ZNF536: variants seen among roughly 807,000 people sequenced by gnomAD.
ZNF536 encodes zinc finger protein 536.
ZNF536 carries 13 observed loss-of-function variants against 84.5 expected under a neutral mutation model. The ratio of observed to expected loss-of-function variants is 0.15; its 90% confidence interval spans 0.10 to 0.24. The LOEUF is 0.24. Among genes scored for constraint, ZNF536 ranks in the 10% least tolerant of loss-of-function variants. The probability of loss-of-function intolerance (pLI) is 1.00; values close to 1 mark genes in which losing one functional copy is unlikely to be tolerated. For synonymous variants in ZNF536, 811 were observed against 742.5 expected (o/e 1.09, Z -1.50); for missense variants, 1,536 against 1,747.5 (o/e 0.88, Z 2.16).
In ZNF536 at chr19:30,445,657, G is replaced by T. The variant is rs1431241819; in HGVS notation, c.2095G>T (p.Gly699Trp). The change falls in exon 2 of 5, where the codon GGG becomes TGG. Residue 699 changes from glycine to tryptophan, a missense_variant. Transcript: ENST00000355537. The surrounding 1 kb of genome is among the most constrained non-coding windows in gnomAD (Gnocchi z 4.5). ...CTCCTCTAACGTCACCGAGGAGAGC[G>T]GGGTCGGAGGCGGCCTCTCCCAGAC... ...PGSSNVTEESGVGGGLSQTGS... is the reference protein window; with the variant it reads ...PGSSNVTEESWVGGGLSQTGS... 1.9e-6 allele frequency: 3 copies of T among 1,610,444 alleles called. No individual in the cohort carries two copies. Among genetic ancestry groups the T allele is most frequent in the Non-Finnish European group, 2.5e-6 (3 of 1,178,252 alleles).
At chr19:30,307,387 CA>C (rs36015954) in intron 2 of ZNF536, among the ~76,000 whole-genome samples, 175 of 141,850 alleles carry the variant, frequency 1.2e-3, no homozygotes, top group Admixed American at 1.4e-3. Flanking sequence ...AGAGGACGTG[CA>C]AAAAAAAAAA....
chr19:30,479,725 A>G (rs1271283552), intron 2 of ZNF536, among the ~76,000 whole-genome samples: 3 of 152,226 alleles, frequency 2.0e-5, no homozygotes, highest in Non-Finnish European at 4.4e-5. Context: ...GCCTCGGGAC[A>G]TGTGCCCTGC....
intron 1 of ZNF536, among the ~76,000 whole-genome samples, chr19:30,674,828 T>C (rs193220204): frequency 2.0e-5 from 3 of 152,244 alleles, no homozygotes; most frequent in South Asian, 4.2e-4. Flanking sequence ...GGGAGTCAAG[T>C]AGACAGGGCA....
At chr19:30,275,538 T>A (rs1174934135) in intron 1 of ZNF536, among the ~76,000 whole-genome samples, 1 of 152,080 alleles carries the variant, frequency 6.6e-6, no homozygotes, top group South Asian at 2.1e-4. Context: ...TTGCCTTGCG[T>A]TGGGGCACAG....
At chr19:30,515,145 C>T (rs1467984019) in intron 2 of ZNF536, among the ~76,000 whole-genome samples, 2 of 152,028 alleles carry the variant, frequency 1.3e-5, no homozygotes, top group Admixed American at 6.6e-5. Flanking sequence ...ACCTGTAGTC[C>T]CTGCTACTTG....
intron 1 of ZNF536, among the ~76,000 whole-genome samples, chr19:30,376,177 TC>T (rs1381881281): frequency 6.6e-6 from 1 of 152,110 alleles, no homozygotes; most frequent in Non-Finnish European, 1.5e-5. Flanking sequence ...CAGGCAGTTG[TC>T]CCTGAGGAAA....
chr19:30,246,611 G>A (rs1599871356), intron 1 of ZNF536, among the ~76,000 whole-genome samples: 2 of 152,188 alleles, frequency 1.3e-5, no homozygotes, highest in East Asian at 3.9e-4. Context: ...GCACTCGAGG[G>A]TGGGCGGTTT....
intron 2 of ZNF536, among the ~76,000 whole-genome samples, chr19:30,322,427 T>C (rs1037103834): frequency 6.6e-5 from 10 of 152,154 alleles, no homozygotes; most frequent in Admixed American, 4.6e-4. Flanking sequence ...CCACTGTGCT[T>C]GTCCATCCTG....
intron 1 of ZNF536, among the ~76,000 whole-genome samples, chr19:30,692,702 G>T (rs1450526536): frequency 1.3e-5 from 2 of 152,174 alleles, no homozygotes; most frequent in Admixed American, 6.5e-5. Context: ...AGAGCCCCAA[G>T]ACTCCGGCTC....
At chr19:30,513,816 G>A (rs1470213223) in intron 2 of ZNF536, among the ~76,000 whole-genome samples, 22 of 152,208 alleles carry the variant, frequency 1.4e-4, no homozygotes. Flanking sequence ...AAGACCAGGT[G>A]CTTGGGATGT....
At chr19:30,230,351 A>G (rs2022938793) in intron 1 of ZNF536, among the ~76,000 whole-genome samples, 1 of 152,236 alleles carries the variant, frequency 6.6e-6, no homozygotes, top group African/African-American at 2.4e-5. Context: ...GGAGACATAA[A>G]TGGTAATTAT....
chr19:30,233,339 CT>C (rs375462948), intron 1 of ZNF536, among the ~76,000 whole-genome samples: 3,864 of 143,166 alleles, frequency 0.027, 82 homozygotes, highest in African/African-American at 0.063. Flanking sequence ...ATAATGATAC[CT>C]TTTTTTTTTT....
intron 2 of ZNF536, among the ~76,000 whole-genome samples, chr19:30,328,645 A>G (rs1488061488): frequency 3.9e-5 from 6 of 152,212 alleles, no homozygotes; most frequent in African/African-American, 9.6e-5. Context: ...GTGTTTCAGA[A>G]ATGAAGGTCT....
chr19:30,374,916 C>G (rs1349042086), intron 1 of ZNF536, among the ~76,000 whole-genome samples: 1 of 151,712 alleles, frequency 6.6e-6, no homozygotes, highest in East Asian at 2.0e-4. Flanking sequence ...GCCCCATTCA[C>G]GAGCAGGCAG....
rs558913260 is a variant in ZNF536, at chr19:30,511,303, A to AC, written c.2171-23539dup. Among the ~76,000 whole-genome samples, 4 of 151,934 alleles carry AC rather than the reference A, an allele frequency of 2.6e-5. 1 individual carries two copies. The South Asian group carries it at 8.3e-4, about 32-fold the overall frequency. ...TCCCTTGTCTGATAGAATGTCACAG[A>AC]CCCCCAATATATTTTGTTTACATTA... is the stretch of plus-strand genomic sequence containing the variant. On this transcript the variant is annotated intron_variant, in intron 2 of 4. Transcript: ENST00000355537.
At chr19:30,290,434 C>G (rs1600095197) in intron 2 of ZNF536, among the ~76,000 whole-genome samples, 1 of 152,088 alleles carries the variant, frequency 6.6e-6, no homozygotes, top group Non-Finnish European at 1.5e-5. Flanking sequence ...CACACCACTA[C>G]TAATTTAAAA....
At chr19:30,276,386 C>T (rs1224742994) in intron 1 of ZNF536, among the ~76,000 whole-genome samples, 1 of 152,096 alleles carries the variant, frequency 6.6e-6, no homozygotes, top group African/African-American at 2.4e-5. Flanking sequence ...CCTTATTATA[C>T]TGGGAAAGTT....
At chr19:30,367,442 T>C (rs2048471505), upstream of ZNF536, among the ~76,000 whole-genome samples, 1 of 152,232 alleles carries the variant, frequency 6.6e-6, no homozygotes, top group African/African-American at 2.4e-5. Context: ...TTGAGGTGGA[T>C]GGACTGGGTA....
At chr19:30,314,361 G>A (rs898504829) in intron 2 of ZNF536, among the ~76,000 whole-genome samples, 1 of 152,124 alleles carries the variant, frequency 6.6e-6, no homozygotes, top group Non-Finnish European at 1.5e-5. Context: ...CCCTGGTTCC[G>A]AGACTCTGCC....
Sources: allele counts gnomAD v4.1 joint callset (sites outside exome capture counted in the v4.1 genomes callset), GRCh38; gene constraint gnomAD v4.1.1; non-coding constraint Gnocchi (gnomAD v3.1); transcripts MANE v1.5; gene names NCBI Gene and HGNC (gene_info 2026-07-23, HGNC 2026-07-21).